The following ANO5 variants were observed in gnomAD, a reference collection of about 807,000 sequenced individuals.
The protein encoded by ANO5 is anoctamin 5.
ANO5 carries 109 observed loss-of-function variants against 121.0 expected under a neutral mutation model. The observed-to-expected ratio is 0.90, with a 90% CI of 0.77 to 1.06. ANO5 has a LOEUF of 1.06. Ranked by LOEUF, ANO5 falls within the 50% of genes least tolerant of loss-of-function variation. ANO5 has a pLI of 0.00. For synonymous variants in ANO5, 406 were observed against 359.9 expected (o/e 1.13, Z -1.45); for missense variants, 1,064 against 1,078.5 (o/e 0.99, Z 0.19).
intron 9 of ANO5, among the ~76,000 whole-genome samples, chr11:22,245,515 C>A (rs959655030): frequency 1.3e-5 from 2 of 152,078 alleles, no homozygotes; most frequent in East Asian, 1.9e-4. Flanking sequence ...CTTGTATCAG[C>A]AAATATTTAT....
At chr11:22,234,493 C>T (rs1445478541) in intron 7 of ANO5, among the ~76,000 whole-genome samples, 1 of 152,086 alleles carries the variant, frequency 6.6e-6, no homozygotes, top group Non-Finnish European at 1.5e-5. Flanking sequence ...CTGACAGCGG[C>T]GCTTTTCAAA....
intron 9 of ANO5, among the ~76,000 whole-genome samples, chr11:22,242,086 AGT>A (rs1853451599): frequency 2.0e-5 from 3 of 152,072 alleles, no homozygotes. Flanking sequence ...TAAGGGTCCA[AGT>A]TTTATTCTTC....
intron 3 of ANO5, 123 bp downstream of exon 3, chr11:22,211,437 A>G: frequency 8.5e-7 from 1 of 1,179,864 alleles, no homozygotes; most frequent in Non-Finnish European, 1.2e-6. Context: ...ATGGTATTTG[A>G]GAATATATTA....
intron 9 of ANO5, among the ~76,000 whole-genome samples, chr11:22,244,838 T>C (rs1011294744): frequency 2.0e-5 from 3 of 152,270 alleles, no homozygotes; most frequent in East Asian, 3.9e-4. Context: ...TGAATCTCGA[T>C]GAGTGTCCTT....
chr11:22,227,253 A>C, intron 6 of ANO5, 49 bp from the exon 7 acceptor site: 1 of 1,601,192 alleles, frequency 6.2e-7, no homozygotes, highest in Non-Finnish European at 8.5e-7. Flanking sequence ...CAGCTCAATA[A>C]CAAACTGATC....
intron 9 of ANO5, among the ~76,000 whole-genome samples, chr11:22,240,970 A>G (rs1853410250): frequency 6.6e-6 from 1 of 151,982 alleles, no homozygotes; most frequent in Admixed American, 6.6e-5. Context: ...AATTTTTCAT[A>G]ATTCATTTAT....
intron 2 of ANO5, among the ~76,000 whole-genome samples, chr11:22,204,215 A>G (rs1253510239): frequency 6.6e-6 from 1 of 152,122 alleles, no homozygotes; most frequent in Non-Finnish European, 1.5e-5. Flanking sequence ...ATTAGTGCTT[A>G]TCTATGACTA....
intron 6 of ANO5, 101 bp from the exon 7 acceptor site, chr11:22,227,201 A>T: frequency 6.8e-7 from 1 of 1,461,026 alleles, no homozygotes; most frequent in South Asian, 1.2e-5. Flanking sequence ...AAATGCTTTG[A>T]TGTGTTTGAG....
At chr11:22,255,596 A>G (rs1025558727) in intron 13 of ANO5, 74 bp downstream of exon 13, 17 of 1,557,718 alleles carry the variant, frequency 1.1e-5, no homozygotes, top group Non-Finnish European at 1.1e-5. Flanking sequence ...TCATATAATC[A>G]TAGTTTATTT....
chr11:22,273,114 G>A (rs371778305), intron 19 of ANO5, 125 bp downstream of exon 19: 41 of 1,050,408 alleles, frequency 3.9e-5, no homozygotes, highest in African/African-American at 1.4e-4. Context: ...AAAACATTCC[G>A]AAATTGTTAT....
intron 18 of ANO5, among the ~76,000 whole-genome samples, chr11:22,271,878 G>A (rs1035999437): frequency 2.6e-5 from 4 of 152,174 alleles, no homozygotes; most frequent in South Asian, 2.1e-4. Flanking sequence ...TTTCTACCTC[G>A]TAGGTTAGGT....
At chr11:22,218,074 TC>T (rs1056419069) in intron 3 of ANO5, among the ~76,000 whole-genome samples, 171 bp from the exon 4 acceptor site, 3 of 73,836 alleles carry the variant, frequency 4.1e-5, no homozygotes, top group Middle Eastern at 8.3e-3. Context: ...CCATTTTTCT[TC>T]TTTTTTTCCT....
chr11:22,259,464 A>G lies in ANO5; in HGVS notation c.1408-55A>G, dbSNP rs1466985228. The G allele has an allele frequency of 4.1e-6, 6 of 1,476,730 alleles. No homozygotes were observed. The East Asian group carries it at 1.4e-4, about 33-fold the overall frequency. The allele number at this position is 1,476,730 out of a possible 1,614,324, so 91.5% of individuals were successfully genotyped here. The stretch of plus-strand genomic sequence containing the variant: ...AGAATAATCAATATGTTAGATATAT[A>G]TTCATAACAGAGATACAGAGACCCA... On this transcript the variant is annotated intron_variant, in intron 14 of 21. Transcript: ENST00000324559.
intron 5 of ANO5, among the ~76,000 whole-genome samples, chr11:22,224,799 A>G (rs190948807): frequency 1.2e-3 from 179 of 152,240 alleles, no homozygotes; most frequent in African/African-American, 4.1e-3. Flanking sequence ...CGTGGCAAAT[A>G]CATAAAATGG....
chr11:22,199,407 T>C (rs1851899220), intron 1 of ANO5, among the ~76,000 whole-genome samples: 2 of 152,120 alleles, frequency 1.3e-5, no homozygotes, highest in African/African-American at 4.8e-5. Context: ...AAATGTTTTG[T>C]TTGCTTGAGT....
intron 17 of ANO5, among the ~76,000 whole-genome samples, chr11:22,263,426 G>C (rs1854262391): frequency 6.6e-6 from 1 of 152,096 alleles, no homozygotes. Flanking sequence ...TCTACATGCT[G>C]TGTATTATTT....
Position 22,211,255 on chromosome 11 carries a change from T to G in ANO5, c.88-9T>G, listed in dbSNP as rs1852266283. Reference sequence around the variant, plus strand: ...ATAATAGCATTATATCTTCCCCTGGTACTGTTAGCAGAGCCTGAGCAGCAG... The same window carrying G: ...ATAATAGCATTATATCTTCCCCTGGGACTGTTAGCAGAGCCTGAGCAGCAG... On this transcript the variant is annotated splice_polypyrimidine_tract_variant and intron_variant, in intron 2 of 21. Coordinates refer to ENST00000324559, the MANE Select transcript of ANO5 (RefSeq NM_213599.3). 6.2e-7 allele frequency: 1 copy of G among 1,611,846 alleles called. No homozygotes were observed. The highest frequency in any genetic ancestry group is 8.5e-7 in the Non-Finnish European group (1 of 1,178,374).
At chr11:22,255,172 GA>G (rs1853953026) in intron 12 of ANO5, among the ~76,000 whole-genome samples, 198 bp from the exon 13 acceptor site, 1 of 151,946 alleles carries the variant, frequency 6.6e-6, no homozygotes, top group Non-Finnish European at 1.5e-5. Flanking sequence ...ATTTTTGTAT[GA>G]TTTTTTTTCA....
chr11:22,223,123 C>T (rs1415464257), intron 5 of ANO5, among the ~76,000 whole-genome samples: 1 of 151,984 alleles, frequency 6.6e-6, no homozygotes, highest in Admixed American at 6.6e-5. Flanking sequence ...TCCACTTGTG[C>T]CCTGCATTCT....
Sources: allele counts gnomAD v4.1 joint callset (sites outside exome capture counted in the v4.1 genomes callset), GRCh38; gene constraint gnomAD v4.1.1; transcripts MANE v1.5; gene names NCBI Gene and HGNC (gene_info 2026-07-23, HGNC 2026-07-21).